USP10: variants seen among roughly 807,000 people sequenced by gnomAD.
USP10 encodes ubiquitin specific peptidase 10, also known as ubiquitin carboxyl-terminal hydrolase 10.
A neutral mutation model predicts 84.5 loss-of-function variants in USP10; 22 were observed. The ratio of observed to expected loss-of-function variants is 0.26; its 90% confidence interval spans 0.19 to 0.37. USP10 has a LOEUF of 0.37. USP10 is among the 10% of genes least tolerant of loss of function. The pLI is 1.00. For missense variants in USP10, 1,019 were observed against 998.9 expected (o/e 1.02, Z -0.27); for synonymous variants, 454 against 387.6 (o/e 1.17, Z -2.01).
Position 84,700,130 on chromosome 16 carries a change from C to T in USP10, c.21+19C>T. 2 of 1,338,164 alleles carry T rather than the reference C, an allele frequency of 1.5e-6. No homozygotes were observed. The highest frequency in any genetic ancestry group is 2.0e-6 in the Non-Finnish European group (2 of 1,022,818). 82.9% of individuals were successfully genotyped at this position (1,338,164 alleles called of 1,614,324 possible). On this transcript the variant is annotated intron_variant, in intron 1 of 13. Transcript: ENST00000219473. ...CCCGCAGGTAGCCGCCGGTCTGCGC[C>T]TTCGGCCGGAAGGGGCCCGAGCCCC...
chr16:84,715,205 C>G (rs1248253216), intron 1 of USP10, among the ~76,000 whole-genome samples: 1 of 152,184 alleles, frequency 6.6e-6, no homozygotes, highest in African/African-American at 2.4e-5. Context: ...GCTTGGATTA[C>G]AGGCGTGAGG....
intron 1 of USP10, among the ~76,000 whole-genome samples, chr16:84,702,782 C>G (rs940602068): frequency 6.6e-6 from 1 of 151,956 alleles, no homozygotes; most frequent in African/African-American, 2.4e-5. Flanking sequence ...CACTTGAGGT[C>G]AGGGGTTCGA....
chr16:84,768,326 G>A lies in USP10; in HGVS notation c.1966G>A (p.Val656Ile). ...ALESLVARES[V>I]QGYTTKTKQE... is the part of the protein sequence containing the mutation. ...GGAGAGCTTGGTGGCAAGAGAATCT[G>A]TCCAAGGTTATACCACAAAAACCAA... The change falls in exon 11 of 14, where the codon GTC becomes ATC. Residue 656 changes from valine to isoleucine, a missense_variant. Transcript: ENST00000219473. 6.2e-7 allele frequency: 1 copy of A among 1,609,170 alleles called. No individual in the cohort carries two copies. Among genetic ancestry groups the A allele is most frequent in the Non-Finnish European group, 8.5e-7 (1 of 1,177,524 alleles).
intron 1 of USP10, among the ~76,000 whole-genome samples, chr16:84,701,925 A>G (rs1197125665): frequency 7.6e-6 from 1 of 132,100 alleles, no homozygotes; most frequent in Non-Finnish European, 1.6e-5. Context: ...GATTTCTCAT[A>G]ATTTTCTTCT....
intron 1 of USP10, among the ~76,000 whole-genome samples, chr16:84,723,341 T>G (rs989896963): frequency 6.6e-6 from 1 of 152,248 alleles, no homozygotes; most frequent in Non-Finnish European, 1.5e-5. Flanking sequence ...AATATAAGTT[T>G]AAGTGTTATA....
intron 4 of USP10, among the ~76,000 whole-genome samples, chr16:84,746,489 A>G (rs965862748): frequency 2.0e-5 from 3 of 152,228 alleles, no homozygotes; most frequent in Admixed American, 2.0e-4. Context: ...CCAGCGTGTT[A>G]CTACTGAATA....
chr16:84,700,944 A>G (rs1904790412), intron 1 of USP10, among the ~76,000 whole-genome samples: 1 of 151,488 alleles, frequency 6.6e-6, no homozygotes, highest in African/African-American at 2.4e-5. Flanking sequence ...ATTATTCTGG[A>G]CAAAAATCGG....
rs139101598 is a variant in USP10, at chr16:84,768,955, C to T, written c.1998+597C>T. ...TCCTTGTCAACTCAGTTGGGCGAGA[C>T]GGATAGCATTCTGCCCTGTGAGAGC... is the stretch of plus-strand genomic sequence containing the variant. On this transcript the variant is annotated intron_variant, in intron 11 of 13. Coordinates refer to ENST00000219473, the MANE Select transcript of USP10 (RefSeq NM_005153.3). Among the ~76,000 whole-genome samples the T allele has an allele frequency of 1.2e-4, 18 of 152,282 alleles. No homozygotes were observed. In the East Asian group the frequency reaches 2.3e-3, roughly 20 times the overall value.
At chr16:84,706,460 CAA>C (rs1385890855) in intron 1 of USP10, among the ~76,000 whole-genome samples, 8 of 149,356 alleles carry the variant, frequency 5.4e-5, no homozygotes, top group Non-Finnish European at 1.2e-4. Context: ...TACGTGGCTG[CAA>C]AGACTATATA....
chr16:84,737,546 A>G (rs758172538), intron 2 of USP10, among the ~76,000 whole-genome samples: 2 of 152,230 alleles, frequency 1.3e-5, no homozygotes, highest in Admixed American at 1.3e-4. Context: ...GCCACAACCC[A>G]TCTGGCATTC....
chr16:84,775,239 T>C lies in USP10; in HGVS notation c.2209+14T>C, dbSNP rs941126719. ...GGCTCTTTGCAGGTGAGTAAATTTG[T>C]ACGACATTACTTCTTCATTAAAACA... On this transcript the variant is annotated intron_variant, in intron 13 of 13. Coordinates refer to ENST00000219473, the MANE Select transcript of USP10 (RefSeq NM_005153.3). 3 of 1,611,636 alleles carry C rather than the reference T, an allele frequency of 1.9e-6. No individual in the cohort carries two copies. In the African/African-American group the frequency reaches 4.0e-5, roughly 22 times the overall value.
chr16:84,757,718 A>G (rs1912748357), intron 4 of USP10, among the ~76,000 whole-genome samples: 1 of 152,136 alleles, frequency 6.6e-6, no homozygotes, highest in Non-Finnish European at 1.5e-5. Flanking sequence ...TTTAAAAGTA[A>G]AGGAGACAGT....
At chr16:84,764,039 C>A in intron 9 of USP10, 47 bp from the exon 10 acceptor site, 2 of 1,510,818 alleles carry the variant, frequency 1.3e-6, no homozygotes, top group Non-Finnish European at 8.8e-7. Context: ...TTTTTTTTTG[C>A]TGTTCTTGTC....
At chr16:84,776,317 G>A (rs948803781) in intron 13 of USP10, among the ~76,000 whole-genome samples, 2 of 147,954 alleles carry the variant, frequency 1.4e-5, no homozygotes, top group Non-Finnish European at 3.0e-5. Flanking sequence ...AGCGGTGGGG[G>A]CCCAGGGGTG....
chr16:84,741,922 T>A (rs1386587615), intron 3 of USP10, among the ~76,000 whole-genome samples: 1 of 152,226 alleles, frequency 6.6e-6, no homozygotes, highest in East Asian at 1.9e-4. Context: ...TCTGGAATGT[T>A]GTAAGCCCTC....
At chr16:84,743,980 C>T (rs562853008) in intron 3 of USP10, among the ~76,000 whole-genome samples, 10 of 152,252 alleles carry the variant, frequency 6.6e-5, no homozygotes, top group African/African-American at 2.4e-4. Context: ...AGGTTACCAG[C>T]GGAGGAGACC....
intron 10 of USP10, among the ~76,000 whole-genome samples, chr16:84,767,435 G>GT: frequency 6.6e-6 from 1 of 152,226 alleles, no homozygotes; most frequent in South Asian, 2.1e-4. Context: ...ATGTTAACTT[G>GT]TTTTTTATTC....
rs1201473234 is a variant in USP10, at chr16:84,736,615, G to GA, written c.90+3116dup. Among the ~76,000 whole-genome samples the GA allele has an allele frequency of 6.0e-4, 91 of 152,194 alleles. 1 individual carries two copies. The highest frequency in any genetic ancestry group is 1.5e-5 in the Non-Finnish European group (1 of 68,024). ...TGTTATTTATGTTCAGAAAGAAAGA[G>GA]AAAATGCTCACCATTCTTTAGTTTC... On this transcript the variant is annotated intron_variant, in intron 2 of 13. Transcript: ENST00000219473.
chr16:84,759,239 A>G (rs1490303858), intron 5 of USP10, 124 bp from the exon 6 acceptor site: 3 of 843,298 alleles, frequency 3.6e-6, no homozygotes, highest in Admixed American at 2.0e-5. Context: ...GTGGTGACAT[A>G]TCTAAGTAGT....
Sources: allele counts gnomAD v4.1 joint callset (sites outside exome capture counted in the v4.1 genomes callset), GRCh38; gene constraint gnomAD v4.1.1; transcripts MANE v1.5; gene names NCBI Gene and HGNC (gene_info 2026-07-23, HGNC 2026-07-21).